Variants in TP63 observed in about 807,000 individuals in gnomAD.
TP63 encodes tumor protein 63.
TP63 carries 17 observed loss-of-function variants against 82.8 expected under a neutral mutation model. The observed-to-expected ratio is 0.21, with a 90% CI of 0.14 to 0.31. The LOEUF (loss-of-function observed/expected upper bound fraction) is 0.31. TP63 is among the 10% of genes least tolerant of loss of function. TP63 has a pLI of 1.00. For synonymous variants in TP63, 330 were observed against 321.7 expected, an observed-to-expected ratio of 1.03 and a Z score of -0.28; for missense variants, 648 against 895.3, an observed-to-expected ratio of 0.72 and a Z score of 3.52.
intron 4 of TP63, among the ~76,000 whole-genome samples, chr3:189,844,668 GA>G (rs1714635076): frequency 6.6e-6 from 1 of 152,108 alleles, no homozygotes; most frequent in Admixed American, 6.6e-5. Context: ...TTTTTTTGTA[GA>G]GGACAAATCC....
At chr3:189,776,205 G>C (rs1403103275) in intron 3 of TP63, among the ~76,000 whole-genome samples, 1 of 152,162 alleles carries the variant, frequency 6.6e-6, no homozygotes, top group Non-Finnish European at 1.5e-5. Flanking sequence ...GATTTCTAAA[G>C]TCTCTTGATG....
intron 4 of TP63, among the ~76,000 whole-genome samples, chr3:189,825,956 C>G (rs951841388): frequency 1.3e-4 from 20 of 152,284 alleles, no homozygotes; most frequent in Admixed American, 1.2e-3. Context: ...CTCTCTCCCC[C>G]ACTTGCTTCT....
intron 4 of TP63, among the ~76,000 whole-genome samples, chr3:189,830,665 A>T (rs548287377): frequency 6.6e-6 from 1 of 152,300 alleles, no homozygotes; most frequent in Admixed American, 6.5e-5. Context: ...TAAAAGATGG[A>T]TAAGGTAAGG....
At chr3:189,675,819 T>C (rs1357615715) in intron 1 of TP63, among the ~76,000 whole-genome samples, 1 of 152,134 alleles carries the variant, frequency 6.6e-6, no homozygotes, top group African/African-American at 2.4e-5. Flanking sequence ...TTATCCCATT[T>C]AAGAGGCTAC....
At chr3:189,630,305 C>T (rs1010210310), upstream of TP63, among the ~76,000 whole-genome samples, 2 of 151,078 alleles carry the variant, frequency 1.3e-5, no homozygotes, top group Non-Finnish European at 3.0e-5. Flanking sequence ...GGTTTTTTTT[C>T]CCCCTGTTGG....
Position 189,864,423 on chromosome 3 carries a change from G to A in TP63, c.766+5G>A, listed in dbSNP as rs374425727. On this transcript the variant is annotated splice_donor_5th_base_variant and intron_variant, in intron 5 of 13. Transcript: ENST00000264731. ...TGAGCCGTGAATTCAACGAGGGTAA[G>A]CAGAATTTGAATCTCTAACTGTTCA... The A allele has an allele frequency of 3.1e-5, 50 of 1,611,238 alleles. No individual in the cohort carries two copies. The African/African-American group carries it at 6.1e-4, about 20-fold the overall frequency.
chr3:189,816,668 T>TA (rs1322310337), intron 4 of TP63, among the ~76,000 whole-genome samples: 3 of 152,212 alleles, frequency 2.0e-5, no homozygotes, highest in Admixed American at 2.0e-4. Context: ...AAGAAGAGTT[T>TA]ATTGTAGAAT....
At position 189,886,629 on chromosome 3, in the gene TP63, T is replaced by C. The variant is rs561809733; in HGVS notation, c.1507+78T>C. ...ACAAGACTCTGTGATGGGGAAGGCA[T>C]GTTCTTAAGCTAAATGAGAGACACA... On this transcript the variant is annotated intron_variant, in intron 11 of 13. Transcript: ENST00000264731. 224 of 1,590,342 alleles carry C rather than the reference T, an allele frequency of 1.4e-4. 1 individual carries two copies. The African/African-American group carries it at 2.7e-3, about 19-fold the overall frequency.
Position 189,868,673 on chromosome 3 carries a change from G to C in TP63, c.1086G>C (p.Gln362His), listed in dbSNP as rs780226587. 1 of 1,614,148 alleles carries C rather than the reference G, an allele frequency of 6.2e-7. No homozygotes were observed. Among genetic ancestry groups the C allele is most frequent in the South Asian group, 1.1e-5 (1 of 91,084 alleles). ...CGGATGAAGATAGCATCAGAAAGCA[G>C]CAAGTTTCGGACAGTACAAAGAACG... ...RKADEDSIRK[Q>H]QVSDSTKNGD... The change falls in exon 8 of 14, where the codon CAG (glutamine) becomes CAC (histidine). Residue 362 changes from glutamine (Q) to histidine (H), a missense_variant. Coordinates refer to ENST00000264731, the MANE Select transcript of TP63 (RefSeq NM_003722.5).
chr3:189,852,470 T>C (rs1255043595), intron 4 of TP63, among the ~76,000 whole-genome samples: 1 of 152,252 alleles, frequency 6.6e-6, no homozygotes, highest in Non-Finnish European at 1.5e-5. Flanking sequence ...TTCTAAAGCA[T>C]AATATGTATT....
intron 4 of TP63, among the ~76,000 whole-genome samples, chr3:189,862,461 A>G (rs564879518): frequency 6.6e-6 from 1 of 152,280 alleles, no homozygotes; most frequent in Non-Finnish European, 1.5e-5. Context: ...CAGTTATTAA[A>G]ATGGAATGTT....
rs1721359832 is a variant in TP63 at position 189,894,933 on chromosome 3, T to C, written c.*431T>C. 1 of 223,426 alleles carries C rather than the reference T, an allele frequency of 4.5e-6. No homozygotes were observed. 13.8% of individuals were successfully genotyped at this position (223,426 alleles called of 1,614,324 possible). ...ATGAAAGAAAATTGAGTTGCACTTATTGACCATTTTTTAATTTACTTGTTT... is the reference window on the plus strand; with the variant it reads ...ATGAAAGAAAATTGAGTTGCACTTACTGACCATTTTTTAATTTACTTGTTT... On this transcript the variant is annotated 3_prime_UTR_variant, in exon 14 of 14. Transcript: ENST00000264731.
chr3:189,882,040 T>C (rs1719972339), intron 10 of TP63, among the ~76,000 whole-genome samples: 1 of 151,918 alleles, frequency 6.6e-6, no homozygotes, highest in Admixed American at 6.6e-5. Context: ...ATTAGTATTT[T>C]AGATAAATAT....
intron 13 of TP63, among the ~76,000 whole-genome samples, chr3:189,892,559 G>A (rs191413136): frequency 3.9e-5 from 6 of 152,154 alleles, no homozygotes; most frequent in African/African-American, 7.2e-5. Context: ...TTGGGAGGCC[G>A]AGGCAGGCGG....
the TP63 span, among the ~76,000 whole-genome samples, chr3:189,610,206 C>T: frequency 3.3e-5 from 5 of 152,098 alleles, no homozygotes; most frequent in Non-Finnish European, 5.9e-5. Flanking sequence ...GCAATTTACC[C>T]ACTTTTTAAT....
chr3:189,773,677 C>G lies in TP63; in HGVS notation c.325-34595C>G, dbSNP rs968453608. On this transcript the variant is annotated intron_variant, in intron 3 of 13. Coordinates refer to ENST00000264731, the MANE Select transcript of TP63 (RefSeq NM_003722.5). The stretch of plus-strand genomic sequence containing the variant: ...GTCATTAAATCACCAAATATAAATA[C>G]CCAGTGACCTTACAAATATTGTTTA... Among the ~76,000 whole-genome samples the G allele has an allele frequency of 1.1e-4, 16 of 152,020 alleles. No individual in the cohort carries two copies. In the East Asian group the frequency reaches 2.9e-3, roughly 27 times the overall value.
intron 3 of TP63, among the ~76,000 whole-genome samples, chr3:189,784,763 T>C (rs1426230082): frequency 6.6e-6 from 1 of 152,076 alleles, no homozygotes; most frequent in Non-Finnish European, 1.5e-5. Flanking sequence ...AGATCTAATA[T>C]CTTGCTTTGG....
chr3:189,851,737 A>G (rs1052058122), intron 4 of TP63, among the ~76,000 whole-genome samples: 1 of 152,052 alleles, frequency 6.6e-6, no homozygotes, highest in Admixed American at 6.6e-5. Flanking sequence ...CCGGGCAGAA[A>G]TAAGTTGTGA....
At chr3:189,778,335 A>G (rs1008620821) in intron 3 of TP63, among the ~76,000 whole-genome samples, 9 of 152,260 alleles carry the variant, frequency 5.9e-5, no homozygotes, top group African/African-American at 1.4e-4. Flanking sequence ...GAATGGGTCT[A>G]TAGTTTGATG....
Sources: allele counts gnomAD v4.1 joint callset (sites outside exome capture counted in the v4.1 genomes callset), GRCh38; gene constraint gnomAD v4.1.1; transcripts MANE v1.5; gene names NCBI Gene and HGNC (gene_info 2026-07-23, HGNC 2026-07-21).